ATAD3B: variants seen among roughly 807,000 people sequenced by gnomAD.
ATAD3B encodes the protein ATPase family AAA domain containing 3B, also known as ATPase family AAA domain-containing protein 3B.
In ATAD3B, 59 loss-of-function variants were observed where a neutral mutation model predicts 70.2. The observed-to-expected ratio is 0.84, with a 90% confidence interval of 0.68 to 1.04. The LOEUF is 1.04. ATAD3B is among the 50% of genes least tolerant of loss of function. ATAD3B has a pLI of 0.00. For missense variants in ATAD3B, 961 were observed against 913.4 expected (o/e 1.05, Z -0.67); for synonymous variants, 423 against 388.6 (o/e 1.09, Z -1.04).
At chr1:1,502,801 C>T (rs146634961), downstream of ATAD3B, among the ~76,000 whole-genome samples, 997 of 151,624 alleles carry the variant, frequency 6.6e-3, 16 homozygotes, top group African/African-American at 0.023. Flanking sequence ...CATGAGCCAC[C>T]GCACCCGGCC....
At chr1:1,499,768 A>G (rs1640904870), downstream of ATAD3B, among the ~76,000 whole-genome samples, 1 of 145,268 alleles carries the variant, frequency 6.9e-6, no homozygotes, top group Non-Finnish European at 1.5e-5. Context: ...CTAATTTTGT[A>G]TTTTTAGTAG....
At chr1:1,498,703 C>T (rs1323297952), downstream of ATAD3B, among the ~76,000 whole-genome samples, 8 of 151,398 alleles carry the variant, frequency 5.3e-5, no homozygotes, top group East Asian at 5.9e-4. Context: ...GCACCGCGCC[C>T]GGCCTGTTTG....
intron 8 of ATAD3B, 122 bp from the exon 9 acceptor site, chr1:1,485,660 C>A: frequency 1.4e-6 from 2 of 1,470,578 alleles, no homozygotes; most frequent in South Asian, 2.5e-5. Context: ...AGCTCCGGGC[C>A]GGTCCTGGCT....
At chr1:1,492,917 T>G (rs1442422989) in intron 15 of ATAD3B, among the ~76,000 whole-genome samples, 1 of 146,260 alleles carries the variant, frequency 6.8e-6, no homozygotes, top group African/African-American at 2.6e-5. Flanking sequence ...CCATCCTGGG[T>G]GTCAGAGCGA....
intron 12 of ATAD3B, 83 bp downstream of exon 12, chr1:1,487,997 T>C (rs1344399402): frequency 6.4e-7 from 1 of 1,571,224 alleles, no homozygotes; most frequent in African/African-American, 1.3e-5. Context: ...CTGCAGCCCT[T>C]AAGCTGGCTT....
chr1:1,487,418 G>C lies in ATAD3B; in HGVS notation c.1215-445G>C, dbSNP rs1452340267. Among the ~76,000 whole-genome samples, 4 of 151,220 alleles carry C rather than the reference G, an allele frequency of 2.6e-5. 1 individual carries two copies. The highest frequency in any genetic ancestry group is 2.1e-4 in the South Asian group (1 of 4,758). Reference sequence around the variant, plus strand: ...CAGGAGAATGGCGTGAACCCGGGAGGCAGAGCCTGCAGTGAGCCGAGATTG... The same window carrying C: ...CAGGAGAATGGCGTGAACCCGGGAGCCAGAGCCTGCAGTGAGCCGAGATTG... On this transcript the variant is annotated intron_variant, in intron 11 of 15. Coordinates refer to ENST00000673477, the MANE Select transcript of ATAD3B (RefSeq NM_031921.6).
chr1:1,499,483 C>T (rs572199667), downstream of ATAD3B, among the ~76,000 whole-genome samples: 185 of 151,836 alleles, frequency 1.2e-3, no homozygotes, highest in African/African-American at 4.4e-3. Flanking sequence ...GATCCGCACT[C>T]GGCCTCCCAA....
chr1:1,494,250 G>A (rs1640668477), intron 15 of ATAD3B, among the ~76,000 whole-genome samples: 3 of 146,288 alleles, frequency 2.1e-5, no homozygotes, highest in Middle Eastern at 3.4e-3. Context: ...GCCAGGTCCC[G>A]TGCTTCCTGG....
chr1:1,501,491 G>A (rs1251635137), downstream of ATAD3B, among the ~76,000 whole-genome samples: 3 of 152,200 alleles, frequency 2.0e-5, no homozygotes, highest in South Asian at 4.1e-4. Context: ...TCCTGACTTC[G>A]TGATCCGCCC....
At position 1,486,161 on chromosome 1, in the gene ATAD3B, A is replaced by G. The variant is rs765707783; in HGVS notation, c.1015A>G (p.Lys339Glu). The G allele has an allele frequency of 6.2e-7, 1 of 1,613,226 alleles. No individual in the cohort carries two copies. The highest frequency in any genetic ancestry group is 1.1e-5 in the South Asian group (1 of 90,996). ...CATCGCCATAGCAACCAGGAACACC[A>G]AGAAGAACCGGGGCCTGTACAGGCA... ...RDIAIATRNT[K>E]KNRGLYRHIL... The change falls in exon 10 of 16, where the codon AAG becomes GAG. Residue 339 changes from lysine to glutamate, a missense_variant. Transcript: ENST00000673477.
the ATAD3B span, among the ~76,000 whole-genome samples, chr1:1,503,854 C>A: frequency 6.6e-6 from 1 of 151,866 alleles, no homozygotes; most frequent in Non-Finnish European, 1.5e-5. Context: ...CAGAGCCTCC[C>A]GAGAGGGAGG....
At chr1:1,473,136 T>A (rs1261304520) in intron 1 of ATAD3B, among the ~76,000 whole-genome samples, 2 of 112,836 alleles carry the variant, frequency 1.8e-5, no homozygotes, top group Non-Finnish European at 3.7e-5. Context: ...AGGGATTCCT[T>A]TTTTTTTTTT....
At chr1:1,490,229 C>G (rs762260163) in intron 13 of ATAD3B, 28 bp from the exon 14 acceptor site, 1 of 1,602,170 alleles carries the variant, frequency 6.2e-7, no homozygotes, top group Non-Finnish European at 8.5e-7. Flanking sequence ...GCAGCCCCAG[C>G]GTTTCCTTCC....
At chr1:1,483,223 T>C (rs1325146767) in intron 7 of ATAD3B, 1 of 351,090 alleles carries the variant, frequency 2.8e-6, no homozygotes, top group Non-Finnish European at 5.6e-6. Context: ...TGAACCCGGG[T>C]GGTGGAGGTT....
At chr1:1,508,521 C>T in the ATAD3B span, among the ~76,000 whole-genome samples, 34 of 151,510 alleles carry the variant, frequency 2.2e-4, 3 homozygotes, top group African/African-American at 5.9e-4. Context: ...CTCCTGAGCA[C>T]GGCGCCCAGT....
chr1:1,491,437 A>T (rs1407778660), intron 15 of ATAD3B, among the ~76,000 whole-genome samples: 2 of 152,008 alleles, frequency 1.3e-5, no homozygotes, highest in African/African-American at 4.8e-5. Context: ...AGGCTGAGGC[A>T]GAAGAATTGC....
chr1:1,472,260 C>T (rs553431630), intron 1 of ATAD3B, among the ~76,000 whole-genome samples, 171 bp downstream of exon 1: 31 of 152,148 alleles, frequency 2.0e-4, no homozygotes, highest in African/African-American at 7.5e-4. Flanking sequence ...GGATCGGACT[C>T]TTTCCGTCAC....
At chr1:1,497,916 A>G (rs1337883031), downstream of ATAD3B, 2 of 151,014 alleles carry the variant, frequency 1.3e-5, no homozygotes, top group Non-Finnish European at 2.9e-5. Context: ...CTGGAATCCT[A>G]ACACTTTCCG....
intron 7 of ATAD3B, chr1:1,483,730 G>A (rs990472698): frequency 1.3e-5 from 2 of 152,904 alleles, no homozygotes; most frequent in African/African-American, 4.8e-5. Context: ...GAACCTGGAA[G>A]GCGGAGGTTG....
Sources: gnomAD v4.1 joint callset for allele counts (sites outside exome capture counted in the v4.1 genomes callset) on GRCh38, gnomAD v4.1.1 for gene constraint, MANE v1.5 for transcripts, NCBI Gene and HGNC (gene_info 2026-07-23, HGNC 2026-07-21) for gene names.